WWC2: variants seen among roughly 807,000 people sequenced by gnomAD.
The protein encoded by WWC2 is WW and C2 domain containing 2.
In WWC2, 101 loss-of-function variants were observed where a neutral mutation model predicts 138.5. That is an observed-to-expected ratio of 0.73 (90% CI 0.62 to 0.86). The LOEUF is 0.86. Among genes scored for constraint, WWC2 ranks in the 40% least tolerant of loss-of-function variants. The probability of loss-of-function intolerance (pLI) is 0.00; values close to 1 mark genes in which losing one functional copy is unlikely to be tolerated. For synonymous variants in WWC2, 558 were observed against 538.4 expected, an observed-to-expected ratio of 1.04 and a Z score of -0.50; for missense variants, 1,420 against 1,419.4, an observed-to-expected ratio of 1.00 and a Z score of -0.01.
Position 183,320,302 on chromosome 4 carries a change from A to G in WWC2, c.*4573A>G, listed in dbSNP as rs1164937480. ...AAGTGTGACACTTGTGTTATAACTT[A>G]TGAAACTCAGAAATATTTCTTCATT... On this transcript the variant is annotated 3_prime_UTR_variant, in exon 23 of 23. Coordinates refer to ENST00000403733, the MANE Select transcript of WWC2 (RefSeq NM_024949.6). 6.4e-6 allele frequency: 8 copies of G among 1,244,274 alleles called. No homozygotes were observed. The African/African-American group carries it at 1.1e-4, about 16-fold the overall frequency. 77.1% of individuals were successfully genotyped at this position (1,244,274 alleles called of 1,614,324 possible).
chr4:183,311,578 G>GTTT (rs33921495), intron 21 of WWC2, among the ~76,000 whole-genome samples: 1 of 115,302 alleles, frequency 8.7e-6, no homozygotes, highest in Non-Finnish European at 1.8e-5. Flanking sequence ...ATGTGTGCAG[G>GTTT]TTTTTTTTTT....
intron 21 of WWC2, among the ~76,000 whole-genome samples, chr4:183,305,456 C>G (rs562430318): frequency 6.6e-6 from 1 of 152,158 alleles, no homozygotes; most frequent in African/African-American, 2.4e-5. Flanking sequence ...GAACATTACA[C>G]CTAAGCATAT....
At position 183,316,563 on chromosome 4, in the gene WWC2, A is replaced by C. The variant is rs1256527086; in HGVS notation, c.*834A>C. The C allele has an allele frequency of 6.6e-6, 1 of 152,212 alleles. No individual in the cohort carries two copies. Among genetic ancestry groups the C allele is most frequent in the Non-Finnish European group, 1.5e-5 (1 of 68,054 alleles). 9.4% of individuals were successfully genotyped at this position (152,212 alleles called of 1,614,324 possible). A position where few individuals can be genotyped will look rare whatever the true frequency, so the allele number is the denominator to read the frequency against. ...GTTCAAAAGTGAGTTTCTGGCTTGC[A>C]CTAGTGTTTTGCCCTAAATCTAAGG... On this transcript the variant is annotated 3_prime_UTR_variant, in exon 23 of 23. Coordinates refer to ENST00000403733, the MANE Select transcript of WWC2 (RefSeq NM_024949.6).
At chr4:183,216,504 A>C (rs1216088703) in intron 4 of WWC2, among the ~76,000 whole-genome samples, 1 of 152,232 alleles carries the variant, frequency 6.6e-6, no homozygotes, top group Middle Eastern at 3.2e-3. Context: ...TGTCCATGAA[A>C]GATTAACTAC....
At chr4:183,190,587 A>G (rs1185952042) in intron 1 of WWC2, among the ~76,000 whole-genome samples, 4 of 152,128 alleles carry the variant, frequency 2.6e-5, no homozygotes, top group African/African-American at 7.2e-5. Flanking sequence ...CAGAGAAAGT[A>G]TATATATTTA....
rs771251562 is a variant in WWC2 at position 183,265,696 on chromosome 4, A to T, written c.2048A>T (p.Glu683Val). 6.2e-7 allele frequency: 1 copy of T among 1,610,536 alleles called. No individual in the cohort carries two copies. Among genetic ancestry groups the T allele is most frequent in the Non-Finnish European group, 8.5e-7 (1 of 1,178,428 alleles). Residue 683 changes from glutamate to valine, a missense_variant, in exon 13 of 23, where the codon GAA (glutamate) becomes GTA (valine). Transcript: ENST00000403733. ...ACTCCCTGTCCATATAGACCTAGTG[A>T]AATGGAAGATGTCACATACAGTGAA... ...VYEAFVKQPS[E>V]MEDVTYSEED...
intron 5 of WWC2, among the ~76,000 whole-genome samples, chr4:183,244,382 T>C (rs1736709895): frequency 6.6e-6 from 1 of 152,156 alleles, no homozygotes; most frequent in South Asian, 2.1e-4. Context: ...AAGGTGACGA[T>C]GTAAACTGCA....
At chr4:183,249,397 A>G (rs1056674581) in intron 7 of WWC2, among the ~76,000 whole-genome samples, 1 of 152,206 alleles carries the variant, frequency 6.6e-6, no homozygotes, top group Non-Finnish European at 1.5e-5. Flanking sequence ...TTCTCAATAC[A>G]TTCCCATTTC....
intron 1 of WWC2, among the ~76,000 whole-genome samples, chr4:183,189,538 T>C (rs1337810678): frequency 6.6e-6 from 1 of 152,194 alleles, no homozygotes; most frequent in African/African-American, 2.4e-5. Context: ...TATCCTTGCT[T>C]TAAAATTCAA....
At position 183,233,005 on chromosome 4, in the gene WWC2, C is replaced by G. The variant is rs148323271; in HGVS notation, c.523-7178C>G. 1.2e-3 allele frequency among the ~76,000 whole-genome samples: 190 copies of G among 152,030 alleles called. 1 individual carries two copies. The highest frequency in any genetic ancestry group is 4.3e-3 in the African/African-American group (179 of 41,470). ...TAATTGTTTTTTTGCCACTTTTTGGCTATTATGGATAATGCTGCTGTGAAC... is the reference window on the plus strand; with the variant it reads ...TAATTGTTTTTTTGCCACTTTTTGGGTATTATGGATAATGCTGCTGTGAAC... On this transcript the variant is annotated intron_variant, in intron 4 of 22. Coordinates refer to ENST00000403733, the MANE Select transcript of WWC2 (RefSeq NM_024949.6).
intron 22 of WWC2, among the ~76,000 whole-genome samples, chr4:183,313,434 T>C (rs907360): frequency 0.79 from 120,653 of 151,836 alleles, 48,379 homozygotes; most frequent in Middle Eastern, 0.88. Flanking sequence ...TGGGGGGCAG[T>C]GGCTGCCCTG....
chr4:183,166,570 G>A (rs1434254956), intron 1 of WWC2, among the ~76,000 whole-genome samples: 3 of 152,166 alleles, frequency 2.0e-5, no homozygotes, highest in Non-Finnish European at 4.4e-5. Context: ...TTTGAAACAT[G>A]CTTCAGCAGG....
chr4:183,153,867 A>G (rs749265403), intron 1 of WWC2, among the ~76,000 whole-genome samples: 2 of 151,148 alleles, frequency 1.3e-5, no homozygotes, highest in Non-Finnish European at 2.9e-5. Context: ...CTTGTCTTAA[A>G]CTCCTGAGCT....
At chr4:183,125,814 G>A (rs1579962751) in intron 1 of WWC2, among the ~76,000 whole-genome samples, 2 of 152,186 alleles carry the variant, frequency 1.3e-5, no homozygotes, top group Admixed American at 6.5e-5. Context: ...TGTTAGAAGG[G>A]AGAAAACATC....
intron 21 of WWC2, among the ~76,000 whole-genome samples, chr4:183,300,444 C>T (rs1488868658): frequency 6.6e-6 from 1 of 151,086 alleles, no homozygotes; most frequent in Non-Finnish European, 1.5e-5. Flanking sequence ...TAAAATAATG[C>T]AAATGTTAAC....
chr4:183,123,392 G>A (rs1312035979), intron 1 of WWC2, among the ~76,000 whole-genome samples: 1 of 133,402 alleles, frequency 7.5e-6, no homozygotes, highest in African/African-American at 2.9e-5. Flanking sequence ...GAGAAACACA[G>A]CAAGTTTCAG....
At chr4:183,288,861 G>A (rs573841244) in intron 20 of WWC2, among the ~76,000 whole-genome samples, 2 of 152,290 alleles carry the variant, frequency 1.3e-5, no homozygotes, top group East Asian at 3.9e-4. Context: ...CTGTATTCAG[G>A]CTGACTGTCA....
intron 21 of WWC2, among the ~76,000 whole-genome samples, chr4:183,306,997 A>G (rs1452615312): frequency 6.6e-6 from 1 of 152,156 alleles, no homozygotes; most frequent in African/African-American, 2.4e-5. Context: ...CAACGGCACT[A>G]TTACTTAACT....
chr4:183,230,896 G>A (rs1404760997), intron 4 of WWC2, among the ~76,000 whole-genome samples: 2 of 152,160 alleles, frequency 1.3e-5, no homozygotes, highest in East Asian at 3.8e-4. Context: ...GAATTTTGAA[G>A]TGAAATGACT....
Sources: allele counts gnomAD v4.1 joint callset (sites outside exome capture counted in the v4.1 genomes callset), GRCh38; gene constraint gnomAD v4.1.1; transcripts MANE v1.5; gene names NCBI Gene and HGNC (gene_info 2026-07-23, HGNC 2026-07-21).